ELOVL4: variants seen among roughly 807,000 people sequenced by gnomAD.
ELOVL4 encodes the protein very long chain fatty acid elongase 4.
In ELOVL4, 18 loss-of-function variants were observed where a neutral mutation model predicts 42.1. That is an observed-to-expected ratio of 0.43 (90% confidence interval 0.30 to 0.63). The LOEUF is 0.63. ELOVL4 is among the 30% of genes least tolerant of loss of function. The pLI is 0.15. For synonymous variants in ELOVL4, 117 were observed against 127.0 expected (o/e 0.92, Z 0.53); for missense variants, 299 against 376.2 (o/e 0.79, Z 1.70).
chr6:79,947,327 G>T lies in ELOVL4; in HGVS notation c.-48C>A. The T allele has an allele frequency of 6.8e-7, 1 of 1,470,474 alleles. No individual in the cohort carries two copies. The highest frequency in any genetic ancestry group is 9.4e-7 in the Non-Finnish European group (1 of 1,063,016). The allele number at this position is 1,470,474 out of a possible 1,614,324, so 91.1% of individuals were successfully genotyped here. ...CGGCAGGAGAAAGCGGAGACCCAGA[G>T]AGAGGGCTGACCCCGGAGGCGGTGG... is the stretch of plus-strand genomic sequence containing the variant. On this transcript the variant is annotated 5_prime_UTR_variant, in exon 1 of 6. Transcript: ENST00000369816.
chr6:79,920,086 A>G (rs1234619170), intron 4 of ELOVL4, among the ~76,000 whole-genome samples: 1 of 152,210 alleles, frequency 6.6e-6, no homozygotes, highest in African/African-American at 2.4e-5. Flanking sequence ...TAGATGTAAT[A>G]ATAATTAATT....
At chr6:79,929,604 T>C (rs9448860) in intron 1 of ELOVL4, among the ~76,000 whole-genome samples, 28,869 of 152,242 alleles carry the variant, frequency 0.19, 3,246 homozygotes, top group Non-Finnish European at 0.25. Flanking sequence ...TATGCCATTA[T>C]TCCATGGACC....
intron 4 of ELOVL4, among the ~76,000 whole-genome samples, chr6:79,920,289 C>A (rs1167036790): frequency 6.6e-6 from 1 of 152,168 alleles, no homozygotes; most frequent in Non-Finnish European, 1.5e-5. Context: ...TACCCTGGAT[C>A]CTCCTCAGAG....
At chr6:79,926,631 C>CA (rs1266488384) in intron 1 of ELOVL4, among the ~76,000 whole-genome samples, 1 of 152,030 alleles carries the variant, frequency 6.6e-6, no homozygotes, top group African/African-American at 2.4e-5. Context: ...CCCTACAGAA[C>CA]AAAAACAAGA....
intron 2 of ELOVL4, among the ~76,000 whole-genome samples, chr6:79,925,265 G>C (rs1774324653): frequency 6.6e-6 from 1 of 152,032 alleles, no homozygotes; most frequent in South Asian, 2.1e-4. Context: ...ACTGAACATT[G>C]ACTCTATCTA....
rs200726708 is a variant in ELOVL4, at chr6:79,944,987, CAAA to C, written c.100+2190_100+2192del. Among the ~76,000 whole-genome samples, 438 of 92,934 alleles carry C rather than the reference CAAA, an allele frequency of 4.7e-3. 2 individuals are homozygous for C. The highest frequency in any genetic ancestry group is 0.014 in the African/African-American group (407 of 28,912). 61.0% of individuals were successfully genotyped at this position (92,934 alleles called of 152,430 possible). On this transcript the variant is annotated intron_variant, in intron 1 of 5. Transcript: ENST00000369816. ...GGAATCAGAGCAGAGTGAATGAGTC[CAAA>C]AAAAAAAAAAAAAAAAAAAAAGGAA...
At chr6:79,917,306 T>A (rs1774179666) in intron 5 of ELOVL4, among the ~76,000 whole-genome samples, 1 of 152,166 alleles carries the variant, frequency 6.6e-6, no homozygotes, top group South Asian at 2.1e-4. Context: ...TGAATAATGT[T>A]ATCTGATGAA....
rs947671537 is a variant in ELOVL4, at chr6:79,915,258, T to C, written c.*1350A>G. 4 of 152,570 alleles carry C rather than the reference T, an allele frequency of 2.6e-5. No individual in the cohort carries two copies. Among genetic ancestry groups the C allele is most frequent in the Admixed American group, 2.6e-4 (4 of 15,280 alleles). The allele number at this position is 152,570 out of a possible 1,614,324, so 9.5% of individuals were successfully genotyped here. On this transcript the variant is annotated 3_prime_UTR_variant, in exon 6 of 6. Coordinates refer to ENST00000369816, the MANE Select transcript of ELOVL4 (RefSeq NM_022726.4). ...AAACATGATACAAATTCTTTCCTAC[T>C]TTATTTCCAGTTGTTCACTTATATT...
intron 1 of ELOVL4, among the ~76,000 whole-genome samples, chr6:79,938,824 G>A (rs543759316): frequency 6.6e-6 from 1 of 152,108 alleles, no homozygotes; most frequent in Non-Finnish European, 1.5e-5. Context: ...TAAAAGAAAA[G>A]GTAAAATAAA....
At chr6:79,943,778 C>T (rs7755269) in intron 1 of ELOVL4, among the ~76,000 whole-genome samples, 2,497 of 152,284 alleles carry the variant, frequency 0.016, 29 homozygotes, top group South Asian at 0.038. Flanking sequence ...ATAAGCCTGG[C>T]TTCCACATTT....
Position 79,947,351 on chromosome 6 carries a change from G to C in ELOVL4, c.-72C>G. 1 of 1,232,576 alleles carries C rather than the reference G, an allele frequency of 8.1e-7. No individual in the cohort carries two copies. The highest frequency in any genetic ancestry group is 1.5e-5 in the African/African-American group (1 of 67,394). The allele number at this position is 1,232,576 out of a possible 1,614,324, so 76.4% of individuals were successfully genotyped here. ...AGAGAGGGCTGACCCCGGAGGCGGTGGCGGCCGACGGGGCGAGCGGCGGCC... is the reference window on the plus strand; with the variant it reads ...AGAGAGGGCTGACCCCGGAGGCGGTCGCGGCCGACGGGGCGAGCGGCGGCC... On this transcript the variant is annotated 5_prime_UTR_variant, in exon 1 of 6. Coordinates refer to ENST00000369816, the MANE Select transcript of ELOVL4 (RefSeq NM_022726.4).
chr6:79,931,658 T>G (rs1195151562), intron 1 of ELOVL4, among the ~76,000 whole-genome samples: 1 of 152,166 alleles, frequency 6.6e-6, no homozygotes, highest in Admixed American at 6.5e-5. Flanking sequence ...TCATGAATGC[T>G]TCAAAGCCAT....
chr6:79,919,625 A>C (rs1347532091), intron 4 of ELOVL4, 78 bp from the exon 5 acceptor site: 8 of 1,229,398 alleles, frequency 6.5e-6, no homozygotes, highest in Middle Eastern at 4.5e-4. Flanking sequence ...ACAATAAATG[A>C]ATACACATTA....
In ELOVL4 at chr6:79,940,405, T is replaced by C. The variant is rs139190685; in HGVS notation, c.100+6775A>G. Among the ~76,000 whole-genome samples the C allele has an allele frequency of 5.7e-3, 869 of 152,338 alleles. 8 individuals are homozygous for C. Among genetic ancestry groups the C allele is most frequent in the African/African-American group, 0.02 (818 of 41,592 alleles). ...TTTGATTAGTTAAGGAACATACTTA[T>C]ACCAAAACCATTTAGTTTCTTTTGT... On this transcript the variant is annotated intron_variant, in intron 1 of 5. Coordinates refer to ENST00000369816, the MANE Select transcript of ELOVL4 (RefSeq NM_022726.4).
At position 79,939,356 on chromosome 6, in the gene ELOVL4, T is replaced by C. The variant is rs560610921; in HGVS notation, c.100+7824A>G. The stretch of plus-strand genomic sequence containing the variant: ...TTTTTAAGTGTACAGTCCAGTATCA[T>C]TAAGCATATCCACATTGTTGTGACT... On this transcript the variant is annotated intron_variant, in intron 1 of 5. Coordinates refer to ENST00000369816, the MANE Select transcript of ELOVL4 (RefSeq NM_022726.4). 2.0e-5 allele frequency among the ~76,000 whole-genome samples: 3 copies of C among 152,238 alleles called. No homozygotes were observed. The South Asian group carries it at 6.2e-4, about 32-fold the overall frequency.
chr6:79,934,044 G>A (rs1200805791), intron 1 of ELOVL4, among the ~76,000 whole-genome samples: 2 of 152,230 alleles, frequency 1.3e-5, no homozygotes, highest in Non-Finnish European at 2.9e-5. Context: ...TCAGGTGAAT[G>A]TTGAACATCT....
chr6:79,926,128 T>C, intron 2 of ELOVL4, 66 bp downstream of exon 2: 1 of 1,368,662 alleles, frequency 7.3e-7, no homozygotes, highest in Non-Finnish European at 1.0e-6. Flanking sequence ...ATGATGGTTT[T>C]ACACATTCTC....
chr6:79,925,647 T>C (rs1215843942), intron 2 of ELOVL4, among the ~76,000 whole-genome samples: 1 of 152,180 alleles, frequency 6.6e-6, no homozygotes, highest in Non-Finnish European at 1.5e-5. Flanking sequence ...AATTTGCTAG[T>C]GCCCAGAAAA....
chr6:79,921,216 C>T (rs569115459), intron 4 of ELOVL4, among the ~76,000 whole-genome samples: 1 of 151,980 alleles, frequency 6.6e-6, no homozygotes, highest in East Asian at 1.9e-4. Flanking sequence ...AATCCCAACA[C>T]TTTGGAAGGC....
Sources: allele counts gnomAD v4.1 joint callset (sites outside exome capture counted in the v4.1 genomes callset), GRCh38; gene constraint gnomAD v4.1.1; transcripts MANE v1.5; gene names NCBI Gene and HGNC (gene_info 2026-07-23, HGNC 2026-07-21).